Variants in ELAVL2 observed in about 807,000 individuals in gnomAD.
ELAVL2 encodes the protein ELAV-like protein 2.
ELAVL2 carries 4 observed loss-of-function variants against 34.6 expected under a neutral mutation model. The observed-to-expected ratio is 0.12, with a 90% CI of 0.06 to 0.26. The LOEUF (loss-of-function observed/expected upper bound fraction) is 0.26, where lower values mean the gene tolerates loss of function less well. Among genes scored for constraint, ELAVL2 ranks in the 10% least tolerant of loss-of-function variants. The pLI is 1.00. For missense variants in ELAVL2, 432 were observed against 442.8 expected, an observed-to-expected ratio of 0.98 and a Z score of 0.22; for synonymous variants, 193 against 154.8, an observed-to-expected ratio of 1.25 and a Z score of -1.83.
intron 4 of ELAVL2, among the ~76,000 whole-genome samples, chr9:23,703,105 C>T (rs1587364471): frequency 6.6e-6 from 1 of 152,008 alleles, no homozygotes; most frequent in African/African-American, 2.4e-5. Flanking sequence ...CAATAATTTG[C>T]ATTTTTAGCA....
intron 3 of ELAVL2, among the ~76,000 whole-genome samples, chr9:23,718,873 T>C (rs1486976526): frequency 3.3e-5 from 5 of 152,154 alleles, no homozygotes; most frequent in Non-Finnish European, 5.9e-5. Context: ...TCAAAGACAA[T>C]CCTTCATTCT....
At chr9:23,817,700 C>A (rs1053577139) in intron 1 of ELAVL2, among the ~76,000 whole-genome samples, 1 of 152,130 alleles carries the variant, frequency 6.6e-6, no homozygotes, top group South Asian at 2.1e-4. Context: ...ATAAAAAATT[C>A]TTCTAGCCTT....
At chr9:23,758,842 TAC>T (rs1486887512) in intron 2 of ELAVL2, among the ~76,000 whole-genome samples, 1 of 152,072 alleles carries the variant, frequency 6.6e-6, no homozygotes, top group Non-Finnish European at 1.5e-5. Context: ...AATAAAGAAC[TAC>T]AGAGTGCAGC....
chr9:23,848,229 T>C, the ELAVL2 span, among the ~76,000 whole-genome samples: 1 of 152,178 alleles, frequency 6.6e-6, no homozygotes, highest in African/African-American at 2.4e-5. Flanking sequence ...AAATTAATTA[T>C]ATAGTTAAGA....
intron 1 of ELAVL2, among the ~76,000 whole-genome samples, chr9:23,796,777 A>G (rs1232235248): frequency 6.6e-6 from 1 of 152,064 alleles, no homozygotes. Context: ...AAATATGTAA[A>G]AGATATCCTG....
intron 2 of ELAVL2, among the ~76,000 whole-genome samples, chr9:23,747,297 G>C (rs2050747593): frequency 6.6e-6 from 1 of 152,132 alleles, no homozygotes; most frequent in Non-Finnish European, 1.5e-5. Context: ...ACGATACTCT[G>C]AATGGTGAGC....
intron 2 of ELAVL2, among the ~76,000 whole-genome samples, chr9:23,736,402 A>G (rs10119773): frequency 0.51 from 77,275 of 152,024 alleles, 19,835 homozygotes; most frequent in Non-Finnish European, 0.53. Context: ...CATAAAGCCT[A>G]TATTCTGACA....
intron 2 of ELAVL2, among the ~76,000 whole-genome samples, chr9:23,744,380 T>C (rs954751535): frequency 6.6e-6 from 1 of 152,208 alleles, no homozygotes; most frequent in African/African-American, 2.4e-5. Flanking sequence ...CAATATTCAA[T>C]AGCCTATGCT....
intron 1 of ELAVL2, among the ~76,000 whole-genome samples, chr9:23,772,243 T>A (rs2057420249): frequency 6.6e-6 from 1 of 152,160 alleles, no homozygotes; most frequent in South Asian, 2.1e-4. Flanking sequence ...TCCCAGTAGT[T>A]GAGTGTTTTC....
At chr9:23,773,118 CAGTGATTCCAA>C (rs1344008324) in intron 1 of ELAVL2, among the ~76,000 whole-genome samples, 2 of 152,072 alleles carry the variant, frequency 1.3e-5, no homozygotes, top group African/African-American at 4.8e-5. Flanking sequence ...TATTTTTATT[CAGTGATTCCAA>C]AGTGAGGAAA....
chr9:23,818,706 A>G (rs1210092497), intron 1 of ELAVL2, among the ~76,000 whole-genome samples: 2 of 152,214 alleles, frequency 1.3e-5, no homozygotes, highest in African/African-American at 4.8e-5. Flanking sequence ...TGAGTGATAA[A>G]AGTGGCAATA....
intron 1 of ELAVL2, among the ~76,000 whole-genome samples, chr9:23,780,661 T>C (rs920546857): frequency 3.9e-5 from 6 of 152,202 alleles, no homozygotes; most frequent in Non-Finnish European, 2.9e-5. Context: ...TCAAATCAAA[T>C]GATCATGTGT....
chr9:23,773,000 C>A (rs1304719461), intron 1 of ELAVL2, among the ~76,000 whole-genome samples: 1 of 152,112 alleles, frequency 6.6e-6, no homozygotes, highest in Non-Finnish European at 1.5e-5. Flanking sequence ...GAACAAAACA[C>A]ACCTAGGTAC....
At chr9:23,758,916 CA>C (rs1416500467) in intron 2 of ELAVL2, among the ~76,000 whole-genome samples, 1 of 151,900 alleles carries the variant, frequency 6.6e-6, no homozygotes, top group Non-Finnish European at 1.5e-5. Flanking sequence ...AGTATCTCAC[CA>C]AATGAAGGTT....
chr9:23,711,675 C>T (rs534014233), intron 3 of ELAVL2, among the ~76,000 whole-genome samples: 1 of 152,250 alleles, frequency 6.6e-6, no homozygotes, highest in Admixed American at 6.5e-5. Flanking sequence ...TGCCTCTTAC[C>T]TGCACCCACA....
chr9:23,763,058 GC>G (rs2136057104), intron 1 of ELAVL2, among the ~76,000 whole-genome samples: 1 of 152,118 alleles, frequency 6.6e-6, no homozygotes, highest in South Asian at 2.1e-4. Flanking sequence ...CCTTGACTCT[GC>G]TTTTTAATGA....
In ELAVL2 at chr9:23,762,257, CAG is replaced by C. The variant is rs2055196879; in HGVS notation, c.-15-10_-15-9del. The C allele has an allele frequency of 5.0e-6, 8 of 1,611,892 alleles. No individual in the cohort carries two copies. Among genetic ancestry groups the C allele is most frequent in the Non-Finnish European group, 6.8e-6 (8 of 1,178,644 alleles). On this transcript the variant is annotated splice_polypyrimidine_tract_variant and intron_variant, in intron 1 of 6. Coordinates refer to ENST00000397312, the MANE Select transcript of ELAVL2 (RefSeq NM_004432.5). Reference sequence around the variant, plus strand: ...CATGGCAGCAATTACCTGCTAAAAACAGAGAAAACAAGAAATGTCAGAATTCA... The same window carrying C: ...CATGGCAGCAATTACCTGCTAAAAACAGAAAACAAGAAATGTCAGAATTCA...
chr9:23,723,065 G>A (rs1050301068), intron 3 of ELAVL2, among the ~76,000 whole-genome samples: 13 of 152,162 alleles, frequency 8.5e-5, no homozygotes, highest in African/African-American at 2.4e-4. Flanking sequence ...TGATGTTCAG[G>A]TAGAAAAGAT....
At chr9:23,798,062 T>C (rs1331475395) in intron 1 of ELAVL2, among the ~76,000 whole-genome samples, 1 of 152,248 alleles carries the variant, frequency 6.6e-6, no homozygotes, top group East Asian at 1.9e-4. Context: ...GAACTCTGAA[T>C]GCCTGAAAGT....
Sources: allele counts gnomAD v4.1 joint callset (sites outside exome capture counted in the v4.1 genomes callset), GRCh38; gene constraint gnomAD v4.1.1; transcripts MANE v1.5; gene names NCBI Gene and HGNC (gene_info 2026-07-23, HGNC 2026-07-21).